The following TOP3A variants were observed in gnomAD, a reference collection of about 807,000 sequenced individuals.
TOP3A encodes DNA topoisomerase 3-alpha.
A neutral mutation model predicts 111.3 loss-of-function variants in TOP3A; 64 were observed. The ratio of observed to expected loss-of-function variants is 0.57; its 90% confidence interval spans 0.47 to 0.71. The LOEUF is 0.71. Ranked by LOEUF, TOP3A falls within the 30% of genes least tolerant of loss-of-function variation. The pLI, the probability that TOP3A is intolerant of heterozygous loss-of-function variation, is 0.00. For missense variants in TOP3A, 1,104 were observed against 1,285.0 expected (o/e 0.86, Z 2.15); for synonymous variants, 484 against 485.1 (o/e 1.00, Z 0.03).
Position 18,274,917 on chromosome 17 carries a change from C to A in TOP3A, c.2891G>T (p.Ser964Ile). Residue 964 changes from serine to isoleucine, a missense_variant, in exon 19 of 19, where the codon AGC (serine) becomes ATC (isoleucine). By Grantham distance (142) the Ser-to-Ile change is moderately radical. Transcript: ENST00000321105. ...RGRTLESEAR[S>I]KRPRASSSDM... ...TGAGGAACTGGCCCGGGGCCTTTTG[C>A]TTCTGGCTTCCGACTCCAGGGTTCT... 6.2e-7 allele frequency: 1 copy of A among 1,614,162 alleles called. No homozygotes were observed. Among genetic ancestry groups the A allele is most frequent in the Non-Finnish European group, 8.5e-7 (1 of 1,180,028 alleles).
At chr17:18,281,560 C>T (rs1430725655) in intron 16 of TOP3A, among the ~76,000 whole-genome samples, 1 of 152,114 alleles carries the variant, frequency 6.6e-6, no homozygotes, top group African/African-American at 2.4e-5. Flanking sequence ...GCAAGGAAAA[C>T]CCATCGACAG....
chr17:18,307,220 G>A, intron 3 of TOP3A: 2 of 355,862 alleles, frequency 5.6e-6, no homozygotes, highest in Non-Finnish European at 5.1e-6. Context: ...AAAAAGGTCT[G>A]GCAATTTTGA....
intron 2 of TOP3A, 189 bp from the exon 3 acceptor site, chr17:18,308,613 G>A (rs1981727781): frequency 3.9e-6 from 2 of 510,230 alleles, no homozygotes; most frequent in South Asian, 3.3e-5. Flanking sequence ...TAATGATATG[G>A]TGTATAACTG....
intron 13 of TOP3A, 100 bp from the exon 14 acceptor site, chr17:18,285,620 G>T: frequency 1.1e-6 from 1 of 943,128 alleles, no homozygotes; most frequent in Non-Finnish European, 1.6e-6. Flanking sequence ...TCCTTTGCCT[G>T]GACAGCCTAT....
intron 3 of TOP3A, among the ~76,000 whole-genome samples, chr17:18,307,825 G>A (rs747234158): frequency 2.0e-5 from 3 of 149,106 alleles, no homozygotes; most frequent in African/African-American, 7.5e-5. Flanking sequence ...CATGAGAATC[G>A]CTTGAACCCA....
At chr17:18,309,170 C>T (rs534897067) in intron 1 of TOP3A, among the ~76,000 whole-genome samples, 2 of 151,960 alleles carry the variant, frequency 1.3e-5, no homozygotes, top group African/African-American at 2.4e-5. Context: ...AGGTACCACT[C>T]CATACCCATT....
At chr17:18,308,105 G>A (rs1182707467) in intron 3 of TOP3A, among the ~76,000 whole-genome samples, 1 of 150,402 alleles carries the variant, frequency 6.6e-6, no homozygotes, top group Admixed American at 6.7e-5. Context: ...CCAGCTACTC[G>A]GGAGGGTGAG....
intron 4 of TOP3A, among the ~76,000 whole-genome samples, chr17:18,306,116 C>T (rs1347558103): frequency 6.6e-6 from 1 of 152,074 alleles, no homozygotes; most frequent in Non-Finnish European, 1.5e-5. Context: ...GCAAGAGAAT[C>T]GCTTGAACCT....
intron 9 of TOP3A, among the ~76,000 whole-genome samples, chr17:18,298,031 C>T (rs990978726): frequency 2.0e-5 from 3 of 151,342 alleles, no homozygotes; most frequent in South Asian, 2.1e-4. Context: ...CGTCTCTGCC[C>T]GGCCGCCCAT....
At position 18,278,095 on chromosome 17, in the gene TOP3A, TG is replaced by T; in HGVS notation, c.2406del (p.Thr803ArgfsTer9). 2.5e-6 allele frequency: 4 copies of T among 1,614,106 alleles called. No homozygotes were observed. The highest frequency in any genetic ancestry group is 3.4e-6 in the Non-Finnish European group (4 of 1,180,010). ...SKALAQTLPPPTAAGESNSVT... is the reference protein window; with the variant it reads ...SKALAQTLPPXTAAGESNSVT... The stretch of plus-strand genomic sequence containing the variant: ...ACAGAATTGCTTTCACCAGCAGCCG[TG>T]GGTGGTGGGAGGGTCTGGGCCAGAG... On this transcript the variant is annotated frameshift_variant, in exon 18 of 19. Transcript: ENST00000321105. LOFTEE classifies it high-confidence loss of function.
chr17:18,309,393 T>C (rs934386218), intron 1 of TOP3A, among the ~76,000 whole-genome samples: 2 of 152,020 alleles, frequency 1.3e-5, no homozygotes, highest in African/African-American at 4.8e-5. Flanking sequence ...CGCATTCAAA[T>C]ACACTTTGGG....
At chr17:18,308,781 C>T (rs1981739770) in intron 2 of TOP3A, 101 bp downstream of exon 2, 1 of 690,328 alleles carries the variant, frequency 1.4e-6, no homozygotes, top group Admixed American at 3.4e-5. Context: ...AGGTTGTTAA[C>T]AGTTGTTATT....
chr17:18,280,677 G>C lies in TOP3A; in HGVS notation c.2022-19C>G, dbSNP rs370194031. 18 of 1,613,524 alleles carry C rather than the reference G, an allele frequency of 1.1e-5. No homozygotes were observed. Among genetic ancestry groups the C allele is most frequent in the Non-Finnish European group, 1.5e-5 (18 of 1,179,692 alleles). ...GTAGAACCTGGGGACAAAGTGCCAT[G>C]TCAGATGATAGGAGTGCAGGAGATG... is the stretch of plus-strand genomic sequence containing the variant. On this transcript the variant is annotated intron_variant, in intron 16 of 18. Coordinates refer to ENST00000321105, the MANE Select transcript of TOP3A (RefSeq NM_004618.5).
chr17:18,306,752 G>A, intron 4 of TOP3A, 139 bp downstream of exon 4: 1 of 641,826 alleles, frequency 1.6e-6, no homozygotes. Context: ...TACAATGGGT[G>A]GGAACCAGCT....
Position 18,292,610 on chromosome 17 carries a change from G to A in TOP3A, c.1281+35C>T, listed in dbSNP as rs761879157. The A allele has an allele frequency of 5.3e-6, 8 of 1,503,282 alleles. No homozygotes were observed. In the South Asian group the frequency reaches 8.1e-5, roughly 15 times the overall value. The allele number at this position is 1,503,282 out of a possible 1,614,324, so 93.1% of individuals were successfully genotyped here. ...CTACTGACCCCCAGCACTTCCCTAT[G>A]GGTTCCAGCAGGCAGTACATTCAGG... On this transcript the variant is annotated intron_variant, in intron 11 of 18. Transcript: ENST00000321105.
chr17:18,302,734 C>G lies in TOP3A; in HGVS notation c.500-11G>C. On this transcript the variant is annotated splice_polypyrimidine_tract_variant and intron_variant, in intron 5 of 18. Transcript: ENST00000321105. ...GCAGATTGGGCTTTACTGCAGAACA[C>G]AAGGTGTTACCAAGGTCAAAGTCAA... The G allele has an allele frequency of 2.5e-6, 4 of 1,609,094 alleles. No individual in the cohort carries two copies. The highest frequency in any genetic ancestry group is 3.4e-6 in the Non-Finnish European group (4 of 1,176,058).
At chr17:18,284,069 G>A (rs1453922147) in intron 15 of TOP3A, among the ~76,000 whole-genome samples, 1 of 152,058 alleles carries the variant, frequency 6.6e-6, no homozygotes, top group African/African-American at 2.4e-5. Flanking sequence ...GGGCAATCTC[G>A]GCTCATTGCA....
Position 18,285,186 on chromosome 17 carries a change from C to T in TOP3A, c.1833G>A (p.Gln611=). The T allele has an allele frequency of 6.2e-7, 1 of 1,614,228 alleles. No individual in the cohort carries two copies. The highest frequency in any genetic ancestry group is 8.5e-7 in the Non-Finnish European group (1 of 1,180,034). ...CTTCAATGAAAACCTGCTTGTATTT[C>T]TGCACTTGCTGCCTTAGAACCACAA... ...DKFVVLRQQV[Q]KYKQVFIEAV... Residue 611 remains glutamine (Q), a synonymous_variant, in exon 15 of 19, where the codon CAG becomes CAA. Coordinates refer to ENST00000321105, the MANE Select transcript of TOP3A (RefSeq NM_004618.5).
rs1979175093 is a variant in TOP3A at position 18,274,132 on chromosome 17, T to A, written c.*670A>T. ...TTTGTATTTTAGTAGAGACAGGGTTTCACCATGTTGCCCTGGCTGGTCTCG... is the reference window on the plus strand; with the variant it reads ...TTTGTATTTTAGTAGAGACAGGGTTACACCATGTTGCCCTGGCTGGTCTCG... On this transcript the variant is annotated 3_prime_UTR_variant, in exon 19 of 19. Transcript: ENST00000321105. 6.6e-6 allele frequency: 1 copy of A among 152,286 alleles called. No homozygotes were observed. The highest frequency in any genetic ancestry group is 1.5e-5 in the Non-Finnish European group (1 of 68,134). The allele number at this position is 152,286 out of a possible 1,614,324, so 9.4% of individuals were successfully genotyped here.
Sources: allele counts gnomAD v4.1 joint callset (sites outside exome capture counted in the v4.1 genomes callset), GRCh38; gene constraint gnomAD v4.1.1; transcripts MANE v1.5; gene names NCBI Gene and HGNC (gene_info 2026-07-23, HGNC 2026-07-21).